Variants in TEK observed in about 807,000 individuals in gnomAD.
TEK encodes angiopoietin-1 receptor.
In TEK, 43 loss-of-function variants were observed where a neutral mutation model predicts 131.8. The observed-to-expected ratio is 0.33, with a 90% CI of 0.26 to 0.42. The LOEUF (loss-of-function observed/expected upper bound fraction) is 0.42, where lower values mean the gene tolerates loss of function less well. Ranked by LOEUF, TEK falls within the 10% of genes least tolerant of loss-of-function variation. The pLI, the probability that TEK is intolerant of heterozygous loss-of-function variation, is 1.00. For synonymous variants in TEK, 580 were observed against 491.6 expected (o/e 1.18, Z -2.38); for missense variants, 1,162 against 1,384.4 (o/e 0.84, Z 2.55).
chr9:27,185,215 G>T (rs1194920350), intron 8 of TEK, among the ~76,000 whole-genome samples: 2 of 152,148 alleles, frequency 1.3e-5, no homozygotes, highest in African/African-American at 4.8e-5. Context: ...AAGAAATCAT[G>T]CTTCAGGTGT....
At chr9:27,129,536 A>C (rs906718742) in intron 1 of TEK, among the ~76,000 whole-genome samples, 1 of 152,140 alleles carries the variant, frequency 6.6e-6, no homozygotes, top group African/African-American at 2.4e-5. Context: ...ATCTAAGCCC[A>C]TCTCCTCTGG....
At chr9:27,138,332 G>C (rs1246223126) in intron 1 of TEK, among the ~76,000 whole-genome samples, 1 of 152,178 alleles carries the variant, frequency 6.6e-6, no homozygotes, top group Non-Finnish European at 1.5e-5. Flanking sequence ...GAGCTGATTG[G>C]TCCATTTTAC....
At chr9:27,136,864 G>A (rs1416821313) in intron 1 of TEK, among the ~76,000 whole-genome samples, 1 of 151,832 alleles carries the variant, frequency 6.6e-6, no homozygotes, top group African/African-American at 2.4e-5. Flanking sequence ...TCTTTCCAAT[G>A]TTCTACCTTT....
intron 16 of TEK, among the ~76,000 whole-genome samples, chr9:27,209,895 A>G (rs754862848): frequency 2.0e-5 from 3 of 152,162 alleles, no homozygotes; most frequent in Admixed American, 6.6e-5. Context: ...AAAATCCTCT[A>G]TGGGTTTACC....
In TEK at chr9:27,202,688, A is replaced by G. The variant is rs1564094784; in HGVS notation, c.1910-132A>G. 7.6e-6 allele frequency: 7 copies of G among 926,146 alleles called. No homozygotes were observed. In the East Asian group the frequency reaches 7.6e-5, roughly 10 times the overall value. The allele number at this position is 926,146 out of a possible 1,614,324, so 57.4% of individuals were successfully genotyped here. Reference sequence around the variant, plus strand: ...GCGTGGAGTCCAGTAGCCACTACCAATTGATTGGGGTACCATATGAGAAAA... The same window carrying G: ...GCGTGGAGTCCAGTAGCCACTACCAGTTGATTGGGGTACCATATGAGAAAA... On this transcript the variant is annotated intron_variant, in intron 12 of 22. Coordinates refer to ENST00000380036, the MANE Select transcript of TEK (RefSeq NM_000459.5).
chr9:27,111,984 C>T (rs564344453), intron 1 of TEK, among the ~76,000 whole-genome samples: 15 of 151,734 alleles, frequency 9.9e-5, no homozygotes, highest in South Asian at 6.3e-4. Flanking sequence ...CTGCAACCTC[C>T]GCCTCCCAGG....
At chr9:27,216,246 C>T (rs1205359180) in intron 18 of TEK, among the ~76,000 whole-genome samples, 1 of 152,078 alleles carries the variant, frequency 6.6e-6, no homozygotes, top group Admixed American at 6.6e-5. Flanking sequence ...GGGTAGAGAA[C>T]AGACAATTAG....
At chr9:27,215,787 G>C (rs974887618) in intron 18 of TEK, among the ~76,000 whole-genome samples, 3 of 152,098 alleles carry the variant, frequency 2.0e-5, no homozygotes, top group African/African-American at 7.2e-5. Context: ...ACTCAGGATT[G>C]TAACAGCTGA....
intron 16 of TEK, among the ~76,000 whole-genome samples, chr9:27,212,151 GACC>G (rs1825658646): frequency 6.6e-6 from 1 of 152,156 alleles, no homozygotes; most frequent in South Asian, 2.1e-4. Context: ...GGTGGCCAGA[GACC>G]CAATCAGCAA....
chr9:27,135,527 T>C (rs1419003358), intron 1 of TEK, among the ~76,000 whole-genome samples: 7 of 152,196 alleles, frequency 4.6e-5, no homozygotes, highest in African/African-American at 1.7e-4. Context: ...ATTCCACTAT[T>C]TGCCACATAC....
chr9:27,210,252 G>A (rs1403846410), intron 16 of TEK: 1 of 127,084 alleles, frequency 7.9e-6, no homozygotes, highest in Non-Finnish European at 1.6e-5. Flanking sequence ...GAGTGTAAAT[G>A]AAAGTTACAC....
At chr9:27,188,994 C>A (rs967314265) in intron 9 of TEK, among the ~76,000 whole-genome samples, 5 of 152,066 alleles carry the variant, frequency 3.3e-5, no homozygotes, top group African/African-American at 4.8e-5. Context: ...TGAGCAAAGA[C>A]TTGAAGGTTA....
chr9:27,196,005 A>G (rs535210325), intron 11 of TEK, among the ~76,000 whole-genome samples: 1 of 152,346 alleles, frequency 6.6e-6, no homozygotes, highest in South Asian at 2.1e-4. Context: ...GAGCAGGAAT[A>G]GGCCTGGCCC....
At chr9:27,160,402 TG>T (rs1823505817) in intron 2 of TEK, among the ~76,000 whole-genome samples, 1 of 152,220 alleles carries the variant, frequency 6.6e-6, no homozygotes, top group Admixed American at 6.5e-5. Context: ...TCTAACCATC[TG>T]TAGTCTGCAT....
chr9:27,119,599 TGTGGAGAGTCGG>T (rs36203622), intron 1 of TEK, among the ~76,000 whole-genome samples: 104,423 of 150,786 alleles, frequency 0.69, 36,386 homozygotes, highest in East Asian at 0.92. Context: ...CTGCTAAAAA[TGTGGAGAGTCGG>T]GTGGAGAGTC....
At chr9:27,172,947 T>C (rs561868122) in intron 5 of TEK, among the ~76,000 whole-genome samples, 200 bp downstream of exon 5, 2 of 152,212 alleles carry the variant, frequency 1.3e-5, no homozygotes, top group African/African-American at 4.8e-5. Context: ...ATAATAAATA[T>C]ACAGATCCGT....
chr9:27,191,696 G>T (rs988880853), intron 10 of TEK, among the ~76,000 whole-genome samples: 2 of 152,112 alleles, frequency 1.3e-5, no homozygotes, highest in Non-Finnish European at 2.9e-5. Flanking sequence ...ACATACTATT[G>T]TAGATTCTAT....
intron 1 of TEK, among the ~76,000 whole-genome samples, chr9:27,148,634 G>A (rs1823020521): frequency 6.6e-6 from 1 of 152,222 alleles, no homozygotes; most frequent in Non-Finnish European, 1.5e-5. Flanking sequence ...ATCAAAAGAA[G>A]TCCCATGGCC....
rs568419718 is a variant in TEK at position 27,141,504 on chromosome 9, T to C, written c.53-16327T>C. 8.5e-5 allele frequency among the ~76,000 whole-genome samples: 13 copies of C among 152,300 alleles called. No individual in the cohort carries two copies. In the South Asian group the frequency reaches 2.5e-3, roughly 29 times the overall value. On this transcript the variant is annotated intron_variant, in intron 1 of 22. Coordinates refer to ENST00000380036, the MANE Select transcript of TEK (RefSeq NM_000459.5). ...CTAATTTACCATGAAATCTGAGATA[T>C]ATGTTACTTTTTGCAGTAGTTATTT...
Sources: gnomAD v4.1 joint callset for allele counts (sites outside exome capture counted in the v4.1 genomes callset) on GRCh38, gnomAD v4.1.1 for gene constraint, MANE v1.5 for transcripts, NCBI Gene and HGNC (gene_info 2026-07-23, HGNC 2026-07-21) for gene names.